The following TNK2 variants were observed in gnomAD, a reference collection of about 807,000 sequenced individuals.
TNK2 encodes tyrosine kinase non receptor 2.
Under a neutral mutation model 101.8 loss-of-function variants are expected in TNK2, and 83 were observed. That is an observed-to-expected ratio of 0.82 (90% CI 0.68 to 0.98). TNK2 has a LOEUF of 0.98. TNK2 is among the 50% of genes least tolerant of loss of function. The pLI is 0.00. For synonymous variants in TNK2, 804 were observed against 633.0 expected, an observed-to-expected ratio of 1.27 and a Z score of -4.06; for missense variants, 1,665 against 1,483.2, an observed-to-expected ratio of 1.12 and a Z score of -2.01.
At chr3:195,905,843 T>A (rs1761657921) in intron 1 of TNK2, among the ~76,000 whole-genome samples, 1 of 152,212 alleles carries the variant, frequency 6.6e-6, no homozygotes, top group African/African-American at 2.4e-5. Flanking sequence ...TTTGCACTAC[T>A]GATCATGAGA....
At position 195,882,348 on chromosome 3, in the gene TNK2, A is replaced by G; in HGVS notation, c.610-20T>C. 1 of 1,607,808 alleles carries G rather than the reference A, an allele frequency of 6.2e-7. No individual in the cohort carries two copies. Among genetic ancestry groups the G allele is most frequent in the Non-Finnish European group, 8.5e-7 (1 of 1,175,362 alleles). ...TGTCACCTGAGGCCACGGAGGAGGC[A>G]GGAGGAATGAGCTGGAGGACCCTGC... On this transcript the variant is annotated intron_variant, in intron 5 of 15. Coordinates refer to ENST00000672887, the MANE Select transcript of TNK2 (RefSeq NM_001382273.1). This position sits in a 1 kb window ranked among gnomAD's most constrained non-coding sequence, Gnocchi z 4.2.
At position 195,869,771 on chromosome 3, in the gene TNK2, C is replaced by A. The variant is rs1577001755; in HGVS notation, c.1544-230G>T. 1.5e-5 allele frequency: 9 copies of A among 600,758 alleles called. 1 individual carries two copies. The East Asian group carries it at 1.7e-4, about 11-fold the overall frequency. 37.2% of individuals were successfully genotyped at this position (600,758 alleles called of 1,614,324 possible). ...ACCGGGAGATGGAGGAGGCCCCAGG[C>A]AGAGCCGGAGCCGTGGGGTGGTTTT... On this transcript the variant is annotated intron_variant, in intron 11 of 15. Coordinates refer to ENST00000672887, the MANE Select transcript of TNK2 (RefSeq NM_001382273.1).
chr3:195,906,523 A>C (rs1761734382), intron 1 of TNK2, among the ~76,000 whole-genome samples: 1 of 152,142 alleles, frequency 6.6e-6, no homozygotes, highest in Non-Finnish European at 1.5e-5. Flanking sequence ...CGTTTACAGT[A>C]AATGCTGCAA....
Position 195,895,718 on chromosome 3 carries a change from G to A in TNK2, c.-18-7112C>T, listed in dbSNP as rs563646688. On this transcript the variant is annotated intron_variant, in intron 1 of 15. Coordinates refer to ENST00000672887, the MANE Select transcript of TNK2 (RefSeq NM_001382273.1). ...CCCCAGAGCCACCAACTGGGGCCTT[G>A]GGGATTCACGAGTCCCCCGTATTCA... Among the ~76,000 whole-genome samples the A allele has an allele frequency of 1.8e-4, 28 of 152,216 alleles. No homozygotes were observed. In the South Asian group the frequency reaches 2.9e-3, roughly 16 times the overall value.
rs367783049 is a variant in TNK2, at chr3:195,877,256, G to C, written c.1256+997C>G. Reference sequence around the variant, plus strand: ...CCTAACCACAGGCCCTGCAGTCTCAGTATGTCATTCCTATTCCCAGACCCT... The same window carrying C: ...CCTAACCACAGGCCCTGCAGTCTCACTATGTCATTCCTATTCCCAGACCCT... On this transcript the variant is annotated intron_variant, in intron 9 of 15. Transcript: ENST00000672887. Among the ~76,000 whole-genome samples the C allele has an allele frequency of 8.5e-5, 13 of 152,280 alleles. No homozygotes were observed. In the East Asian group the frequency reaches 1.7e-3, roughly 20 times the overall value.
rs543985364 is a variant in TNK2, at chr3:195,868,127, G to T, written c.2171C>A (p.Ala724Glu). 1.2e-6 allele frequency: 2 copies of T among 1,611,636 alleles called. No homozygotes were observed. Among genetic ancestry groups the T allele is most frequent in the Admixed American group, 1.7e-5 (1 of 59,914 alleles). ...TTGCCTCATGCACTCCTGCTGTAGC[G>T]CCTGGAAGATCTCTGCGGTCTGTGC... ...SSAQTAEIFQALQQECMRQLQ... is the reference protein window; with the variant it reads ...SSAQTAEIFQELQQECMRQLQ... Residue 724 changes from alanine (A) to glutamate (E), a missense_variant, in exon 13 of 16, where the codon GCG (alanine) becomes GAG (glutamate). By Grantham distance (107) the Ala-to-Glu change is moderately radical. Transcript: ENST00000672887.
intron 9 of TNK2, among the ~76,000 whole-genome samples, chr3:195,875,502 G>A (rs1037331638): frequency 2.0e-5 from 3 of 152,190 alleles, no homozygotes; most frequent in African/African-American, 7.2e-5. Flanking sequence ...ACACTCCAAG[G>A]CAGCTTCATC....
chr3:195,875,811 G>C (rs1024275236), intron 9 of TNK2, among the ~76,000 whole-genome samples: 3 of 152,120 alleles, frequency 2.0e-5, no homozygotes, highest in Admixed American at 6.5e-5. Flanking sequence ...ACCTCCTGCT[G>C]CCCCCGGGCC....
At chr3:195,891,040 T>C (rs1334254871) in intron 1 of TNK2, among the ~76,000 whole-genome samples, 2 of 152,264 alleles carry the variant, frequency 1.3e-5, no homozygotes, top group African/African-American at 2.4e-5. Context: ...CCCACTGTGT[T>C]GCTTGTTTCA....
At chr3:195,870,556 C>T (rs966218895) in intron 10 of TNK2, among the ~76,000 whole-genome samples, 1 of 152,248 alleles carries the variant, frequency 6.6e-6, no homozygotes, top group African/African-American at 2.4e-5. Flanking sequence ...CGATGGAGGG[C>T]CTAAGAACGG....
rs541078763 is a variant in TNK2 at position 195,901,886 on chromosome 3, T to C, written c.-19+6599A>G. On this transcript the variant is annotated intron_variant, in intron 1 of 15. Transcript: ENST00000672887. ...CCCATGGAGGTCCCCGCGGAAGTCT[T>C]ATGACCCACATTGGACTCGCTGAGT... Among the ~76,000 whole-genome samples the C allele has an allele frequency of 1.2e-4, 18 of 152,294 alleles. No homozygotes were observed. The East Asian group carries it at 3.3e-3, about 28-fold the overall frequency.
At chr3:195,867,075 A>C in intron 14 of TNK2, 59 bp from the exon 15 acceptor site, 1 of 1,608,610 alleles carries the variant, frequency 6.2e-7, no homozygotes, top group Non-Finnish European at 8.5e-7. Flanking sequence ...AGGGTGGGGA[A>C]GAGGGGAGTC....
rs200078114 is a variant in TNK2 at position 195,867,563 on chromosome 3, G to A, written c.2735C>T (p.Pro912Leu). The change falls in exon 13 of 16, where the codon CCC becomes CTC. Residue 912 changes from proline to leucine, a missense_variant. By Grantham distance (98) the Pro-to-Leu change is moderately conservative (BLOSUM62 -3). Transcript: ENST00000672887. ...GGGGGCGGCGGGGGCTGGGGTGCTGGGTGGGGGCAGCAGCAGAGGCACAGG... is the reference window on the plus strand; with the variant it reads ...GGGGGCGGCGGGGGCTGGGGTGCTGAGTGGGGGCAGCAGCAGAGGCACAGG... ...PLPVPLLLPP[P>L]STPAPAAPTA... is the part of the protein sequence containing the mutation. The A allele has an allele frequency of 4.9e-4, 762 of 1,570,668 alleles. 2 individuals are homozygous for A. The highest frequency in any genetic ancestry group is 6.0e-4 in the Non-Finnish European group (702 of 1,166,352).
chr3:195,869,403 C>A lies in TNK2; in HGVS notation c.1588+94G>T. ...AGCACACACCCACCCACCTCCCCTC[C>A]GGCCCAGCCGCCCAGGCTCTGTACC... On this transcript the variant is annotated intron_variant, in intron 12 of 15. Coordinates refer to ENST00000672887, the MANE Select transcript of TNK2 (RefSeq NM_001382273.1). The A allele has an allele frequency of 2.9e-6, 4 of 1,359,480 alleles. No individual in the cohort carries two copies. The South Asian group carries it at 5.0e-5, about 17-fold the overall frequency. 84.2% of individuals were successfully genotyped at this position (1,359,480 alleles called of 1,614,324 possible). A position where few individuals can be genotyped will look rare whatever the true frequency, so the allele number is the denominator to read the frequency against.
At chr3:195,907,228 G>GGCACAGCA (rs1217123362) in intron 1 of TNK2, among the ~76,000 whole-genome samples, 1 of 152,224 alleles carries the variant, frequency 6.6e-6, no homozygotes, top group African/African-American at 2.4e-5. Flanking sequence ...AGGCACCGTG[G>GGCACAGCA]GCACAGCAGC....
intron 12 of TNK2, 66 bp from the exon 13 acceptor site, chr3:195,868,775 GGCACGTGGGAGAGAAA>G (rs1742701168): frequency 6.8e-7 from 1 of 1,466,432 alleles, no homozygotes; most frequent in Non-Finnish European, 9.0e-7. Context: ...GAGGGGAGGT[GGCACGTGGGAGAGAAA>G]GCCAAGTGTC....
chr3:195,878,373 A>G lies in TNK2; in HGVS notation c.1162-26T>C. 6.2e-7 allele frequency: 1 copy of G among 1,613,952 alleles called. No homozygotes were observed. Among genetic ancestry groups the G allele is most frequent in the South Asian group, 1.1e-5 (1 of 91,086 alleles). ...CTGGAGGAAGAGGAAGGTCGTGGCC[A>G]ACTCTGGGACTGACGCCTGGGTAGC... On this transcript the variant is annotated intron_variant, in intron 8 of 15. Coordinates refer to ENST00000672887, the MANE Select transcript of TNK2 (RefSeq NM_001382273.1). The surrounding 1 kb of genome is among the most constrained non-coding windows in gnomAD (Gnocchi z 4.7).
chr3:195,879,300 C>T, intron 6 of TNK2, 125 bp from the exon 7 acceptor site: 1 of 1,451,106 alleles, frequency 6.9e-7, no homozygotes, highest in Non-Finnish European at 9.3e-7. Context: ...AACAGTGGGT[C>T]TCAGGGGCGC....
At position 195,882,291 on chromosome 3, in the gene TNK2, C is replaced by T. The variant is rs199724610; in HGVS notation, c.647G>A (p.Arg216Gln). The T allele has an allele frequency of 1.4e-4, 222 of 1,613,524 alleles. 3 individuals carry two copies. In the Admixed American group the frequency reaches 3.5e-3, roughly 25 times the overall value. ...GAAGTGGCCCTGGTGCTTACGTAGC[C>T]GGTCCAACAACGATCCCAGAGGTGC... is the stretch of plus-strand genomic sequence containing the variant. ...ELAPLGSLLD[R>Q]LRKHQGHFLL... Residue 216 changes from arginine (R) to glutamine (Q), a missense_variant, in exon 6 of 16, where the codon CGG becomes CAG. This residue lies in a region of TNK2 where 490 missense variants were observed against 522.5 expected (regional missense o/e 0.94). Coordinates refer to ENST00000672887, the MANE Select transcript of TNK2 (RefSeq NM_001382273.1). The surrounding 1 kb of genome is among the most constrained non-coding windows in gnomAD (Gnocchi z 4.2).
Sources: gnomAD v4.1 joint callset for allele counts (sites outside exome capture counted in the v4.1 genomes callset) on GRCh38, gnomAD v4.1.1 for gene constraint, gnomAD v4.1.1 regional missense constraint, Gnocchi (gnomAD v3.1) non-coding constraint, MANE v1.5 for transcripts, NCBI Gene and HGNC (gene_info 2026-07-23, HGNC 2026-07-21) for gene names.